UBE4B: variants seen among roughly 807,000 people sequenced by gnomAD.
UBE4B encodes the protein ubiquitin conjugation factor E4 B.
Under a neutral mutation model 148.1 loss-of-function variants are expected in UBE4B, and 27 were observed. The ratio of observed to expected loss-of-function variants is 0.18; its 90% CI spans 0.13 to 0.25. UBE4B has a LOEUF of 0.25. Ranked by LOEUF, UBE4B falls within the 10% of genes least tolerant of loss-of-function variation. UBE4B has a pLI of 1.00. For missense variants in UBE4B, 1,170 were observed against 1,662.4 expected, an observed-to-expected ratio of 0.70 and a Z score of 5.15; for synonymous variants, 596 against 619.3, an observed-to-expected ratio of 0.96 and a Z score of 0.56.
At chr1:10,137,471 TC>T (rs1489934690) in intron 17 of UBE4B, among the ~76,000 whole-genome samples, 1 of 152,158 alleles carries the variant, frequency 6.6e-6, no homozygotes, top group Non-Finnish European at 1.5e-5. Flanking sequence ...CATTAACTTT[TC>T]CCACTGGGCA....
intron 3 of UBE4B, among the ~76,000 whole-genome samples, chr1:10,097,377 G>T (rs1644945870): frequency 6.6e-6 from 1 of 152,102 alleles, no homozygotes; most frequent in Non-Finnish European, 1.5e-5. Flanking sequence ...AGGGGTCCAG[G>T]ATATATCTAA....
chr1:10,129,494 A>C, intron 12 of UBE4B, 46 bp downstream of exon 12: 46 of 1,574,944 alleles, frequency 2.9e-5, no homozygotes, highest in Non-Finnish European at 3.8e-5. Context: ...TGAATATATC[A>C]TAACCCAGAA....
intron 23 of UBE4B, among the ~76,000 whole-genome samples, chr1:10,166,970 C>CAA (rs796133568): frequency 0.015 from 1,997 of 133,154 alleles, 30 homozygotes; most frequent in African/African-American, 0.034. Flanking sequence ...CACACACACA[C>CAA]AAAAAAAAAA....
intron 1 of UBE4B, among the ~76,000 whole-genome samples, chr1:10,065,988 A>C (rs1644378494): frequency 6.6e-6 from 1 of 151,918 alleles, no homozygotes; most frequent in Admixed American, 6.6e-5. Flanking sequence ...TAAAAGCAGT[A>C]GATATCGAAG....
chr1:10,072,605 C>A, intron 2 of UBE4B: 2 of 660,554 alleles, frequency 3.0e-6, no homozygotes, highest in African/African-American at 1.8e-5. Context: ...CAGATTTCCT[C>A]GTCTTCATTC....
chr1:10,064,005 G>T (rs1644337810), intron 1 of UBE4B, among the ~76,000 whole-genome samples: 1 of 151,996 alleles, frequency 6.6e-6, no homozygotes, highest in Admixed American at 6.6e-5. Flanking sequence ...CAAGTTCAGT[G>T]TCTTAGGATG....
intron 2 of UBE4B, among the ~76,000 whole-genome samples, chr1:10,092,416 A>C (rs1252893259): frequency 1.3e-5 from 2 of 151,686 alleles, no homozygotes. Context: ...GTAGAGACAG[A>C]GTTTCACCAT....
At chr1:10,167,038 A>G (rs913548108) in intron 23 of UBE4B, among the ~76,000 whole-genome samples, 4 of 152,064 alleles carry the variant, frequency 2.6e-5, no homozygotes, top group Non-Finnish European at 4.4e-5. Context: ...AGGCTGAGAC[A>G]TGAGAATCAC....
chr1:10,105,899 T>G (rs1316417914), intron 6 of UBE4B, among the ~76,000 whole-genome samples, 155 bp downstream of exon 6: 1 of 152,180 alleles, frequency 6.6e-6, no homozygotes, highest in East Asian at 1.9e-4. Context: ...GAAGTGGAAT[T>G]CTCTTTTCTA....
intron 2 of UBE4B, among the ~76,000 whole-genome samples, chr1:10,078,343 T>C (rs796592047): frequency 2.4e-4 from 36 of 152,282 alleles, no homozygotes; most frequent in African/African-American, 8.4e-4. Flanking sequence ...ATGTAGGGCT[T>C]ACTGCAGGTC....
chr1:10,082,200 A>G (rs1396026588), intron 2 of UBE4B, among the ~76,000 whole-genome samples: 4 of 152,040 alleles, frequency 2.6e-5, no homozygotes, highest in African/African-American at 9.7e-5. Flanking sequence ...TAGTGAGAGA[A>G]AACAATTTAA....
chr1:10,086,664 C>T (rs1446839545), intron 2 of UBE4B, among the ~76,000 whole-genome samples: 1 of 151,956 alleles, frequency 6.6e-6, no homozygotes, highest in Non-Finnish European at 1.5e-5. Context: ...AGAGAAAAGT[C>T]ATTCAACAGT....
At chr1:10,126,659 C>A in intron 10 of UBE4B, 135 bp from the exon 11 acceptor site, 1 of 713,162 alleles carries the variant, frequency 1.4e-6, no homozygotes, top group South Asian at 1.9e-5. Flanking sequence ...GAATTCTAGA[C>A]TTTTATATGC....
intron 9 of UBE4B, among the ~76,000 whole-genome samples, chr1:10,121,745 A>G (rs1052672414): frequency 1.3e-5 from 2 of 152,164 alleles, no homozygotes; most frequent in East Asian, 1.9e-4. Context: ...GTAGGAAAAG[A>G]TGAATTCTTT....
intron 13 of UBE4B, 30 bp from the exon 14 acceptor site, chr1:10,130,685 G>T: frequency 3.1e-6 from 5 of 1,613,006 alleles, no homozygotes; most frequent in Non-Finnish European, 4.2e-6. Context: ...TGCATTATAT[G>T]TTGACTGCAT....
intron 2 of UBE4B, 158 bp downstream of exon 2, chr1:10,072,372 G>A: frequency 1.2e-6 from 1 of 869,390 alleles, no homozygotes; most frequent in Admixed American, 3.0e-5. Flanking sequence ...AATGTGTTGT[G>A]TTATCGCTTT....
intron 21 of UBE4B, among the ~76,000 whole-genome samples, chr1:10,153,490 TAAAAAAAAAAAAAAAA>T: frequency 2.0e-5 from 1 of 49,216 alleles, no homozygotes; most frequent in South Asian, 8.1e-4. Context: ...ACCCTGTTTC[TAAAAAAAAAAAAAAAA>T]AAAAAAAAAA....
At chr1:10,125,038 A>C (rs1413862937) in intron 10 of UBE4B, among the ~76,000 whole-genome samples, 1 of 152,208 alleles carries the variant, frequency 6.6e-6, no homozygotes, top group South Asian at 2.1e-4. Context: ...AGGCAGGAGA[A>C]TCTCTTGAAC....
chr1:10,179,350 G>C, intron 26 of UBE4B, 66 bp from the exon 27 acceptor site: 1 of 1,577,820 alleles, frequency 6.3e-7, no homozygotes, highest in Non-Finnish European at 8.6e-7. Flanking sequence ...GGTAGAACGG[G>C]CTTTGTTTTC....
Sources: gnomAD v4.1 joint callset for allele counts (sites outside exome capture counted in the v4.1 genomes callset) on GRCh38, gnomAD v4.1.1 for gene constraint, MANE v1.5 for transcripts, NCBI Gene and HGNC (gene_info 2026-07-23, HGNC 2026-07-21) for gene names.